KLHL29: variants seen among roughly 807,000 people sequenced by gnomAD.
KLHL29 encodes the protein kelch-like protein 29.
In KLHL29, 21 loss-of-function variants were observed where a neutral mutation model predicts 80.4. The observed-to-expected ratio is 0.26, with a 90% CI of 0.19 to 0.38. The LOEUF (loss-of-function observed/expected upper bound fraction) is 0.38, where lower values mean the gene tolerates loss of function less well. KLHL29 is among the 10% of genes least tolerant of loss of function. The pLI, the probability that KLHL29 is intolerant of heterozygous loss-of-function variation, is 1.00. For missense variants in KLHL29, 867 were observed against 1,223.9 expected (o/e 0.71, Z 4.35); for synonymous variants, 511 against 526.8 (o/e 0.97, Z 0.41).
intron 1 of KLHL29, among the ~76,000 whole-genome samples, chr2:23,390,231 A>T (rs2103381592): frequency 6.6e-6 from 1 of 152,342 alleles, no homozygotes; most frequent in African/African-American, 2.4e-5. Context: ...GAGCATTTCC[A>T]CCTTTAGGGT....
chr2:23,508,137 C>A (rs181820686), intron 2 of KLHL29, among the ~76,000 whole-genome samples: 7 of 152,352 alleles, frequency 4.6e-5, no homozygotes, highest in Admixed American at 4.6e-4. Context: ...CAGTGGCAGG[C>A]ACCCAAGAAA....
chr2:23,674,380 C>A (rs1670865772), intron 5 of KLHL29, among the ~76,000 whole-genome samples: 1 of 152,166 alleles, frequency 6.6e-6, no homozygotes. Context: ...AGGGCCCCAG[C>A]CTCATTCAGC....
chr2:23,637,978 G>A (rs919041292), intron 3 of KLHL29, among the ~76,000 whole-genome samples: 1 of 150,864 alleles, frequency 6.6e-6, no homozygotes, highest in Non-Finnish European at 1.5e-5. Context: ...TCTTCCCGGG[G>A]CCACCTCTAC....
chr2:23,434,251 G>A (rs191742942), intron 1 of KLHL29, among the ~76,000 whole-genome samples: 31 of 150,080 alleles, frequency 2.1e-4, no homozygotes, highest in Admixed American at 1.5e-3. Context: ...AACCCGGGAG[G>A]CGGAGCTTGC....
chr2:23,479,725 T>C (rs1182565639), intron 2 of KLHL29, among the ~76,000 whole-genome samples: 1 of 152,144 alleles, frequency 6.6e-6, no homozygotes, highest in Non-Finnish European at 1.5e-5. Flanking sequence ...CAAGGAAGCC[T>C]TGTACTCGTA....
intron 1 of KLHL29, among the ~76,000 whole-genome samples, chr2:23,454,047 G>A (rs1663967586): frequency 6.6e-6 from 1 of 152,176 alleles, no homozygotes; most frequent in Admixed American, 6.5e-5. Flanking sequence ...GAGGAGGCCA[G>A]GTCTGCTTTG....
chr2:23,432,045 A>G (rs889274066), intron 1 of KLHL29, among the ~76,000 whole-genome samples: 1 of 152,216 alleles, frequency 6.6e-6, no homozygotes, highest in Non-Finnish European at 1.5e-5. Flanking sequence ...ATGGACGTCA[A>G]TTCCAGATCA....
intron 3 of KLHL29, among the ~76,000 whole-genome samples, chr2:23,571,786 T>C (rs547477417): frequency 6.6e-6 from 1 of 152,166 alleles, no homozygotes; most frequent in African/African-American, 2.4e-5. Context: ...GTTCCAGATA[T>C]ACTGAACCAG....
chr2:23,694,124 T>C (rs1209230686), intron 8 of KLHL29, among the ~76,000 whole-genome samples: 1 of 152,254 alleles, frequency 6.6e-6, no homozygotes, highest in Non-Finnish European at 1.5e-5. Flanking sequence ...GCTGAAACCC[T>C]TTCCTGAGCT....
intron 5 of KLHL29, among the ~76,000 whole-genome samples, chr2:23,663,848 A>G (rs991470636): frequency 6.6e-6 from 1 of 152,212 alleles, no homozygotes; most frequent in Non-Finnish European, 1.5e-5. Flanking sequence ...CTGCTGATTC[A>G]GGTGGAAAAA....
chr2:23,458,459 A>G (rs2103426523), intron 1 of KLHL29, among the ~76,000 whole-genome samples: 1 of 152,390 alleles, frequency 6.6e-6, no homozygotes, highest in Middle Eastern at 3.4e-3. Context: ...ATTTGGCCAC[A>G]GGCTATCGCG....
At chr2:23,387,909 C>T (rs539007221) in intron 1 of KLHL29, among the ~76,000 whole-genome samples, 4 of 152,248 alleles carry the variant, frequency 2.6e-5, no homozygotes, top group African/African-American at 4.8e-5. Flanking sequence ...AACTTTTCTG[C>T]ACAAACATCT....
At chr2:23,413,537 C>G (rs1666914406) in intron 1 of KLHL29, among the ~76,000 whole-genome samples, 1 of 152,138 alleles carries the variant, frequency 6.6e-6, no homozygotes, top group African/African-American at 2.4e-5. Flanking sequence ...TTTATTAAGA[C>G]CCACCTCCTT....
intron 3 of KLHL29, among the ~76,000 whole-genome samples, chr2:23,579,121 G>A (rs1667918212): frequency 1.3e-5 from 2 of 152,224 alleles, no homozygotes; most frequent in African/African-American, 2.4e-5. Flanking sequence ...TAAGCCATTT[G>A]TGGAGGGCCA....
intron 2 of KLHL29, among the ~76,000 whole-genome samples, chr2:23,483,227 A>C (rs1418723023): frequency 6.6e-6 from 1 of 152,244 alleles, no homozygotes; most frequent in Non-Finnish European, 1.5e-5. Flanking sequence ...GCTTAGTTTG[A>C]TCAAAACCAT....
At chr2:23,642,265 G>A (rs1324208028) in intron 4 of KLHL29, 73 bp from the exon 5 acceptor site, 1 of 1,339,126 alleles carries the variant, frequency 7.5e-7, no homozygotes, top group Non-Finnish European at 9.7e-7. Flanking sequence ...ACCCAGTGCA[G>A]GGCCGGGGAT....
chr2:23,518,008 C>T (rs1203285266), intron 2 of KLHL29, among the ~76,000 whole-genome samples: 2 of 152,230 alleles, frequency 1.3e-5, no homozygotes, highest in Non-Finnish European at 2.9e-5. Context: ...GAGAAGTCCC[C>T]TTTCCCAGAG....
chr2:23,695,520 C>G lies in KLHL29; in HGVS notation c.1543-103C>G, dbSNP rs1671897167. ...ATCTACACTCCCAAGCCTAACACAGCCTGGAATTATCCATTCTTGTGCAGC... is the reference window on the plus strand; with the variant it reads ...ATCTACACTCCCAAGCCTAACACAGGCTGGAATTATCCATTCTTGTGCAGC... On this transcript the variant is annotated intron_variant, in intron 8 of 13. Transcript: ENST00000486442. This position sits in a 1 kb window ranked among gnomAD's most constrained non-coding sequence, Gnocchi z 7.6. 1.2e-6 allele frequency: 1 copy of G among 811,144 alleles called. No homozygotes were observed. The highest frequency in any genetic ancestry group is 2.7e-5 in the Admixed American group (1 of 36,654). 50.2% of individuals were successfully genotyped at this position (811,144 alleles called of 1,614,324 possible). A position where few individuals can be genotyped will look rare whatever the true frequency, so the allele number is the denominator to read the frequency against.
In KLHL29 at chr2:23,691,719, C is replaced by G. The variant is rs973718069; in HGVS notation, c.1125C>G (p.Leu375=). ...AGGGCGGCCGGGAGAAGCTGGAGCT[C>G]GTCCTGTCGAACCTGCAGGCAGACG... The part of the protein sequence containing the change: ...SGQGGREKLE[L]VLSNLQADVL... Residue 375 remains leucine, a synonymous_variant, in exon 7 of 14, where the codon CTC becomes CTG. Coordinates refer to ENST00000486442, the MANE Select transcript of KLHL29 (RefSeq NM_052920.2). 2.6e-5 allele frequency: 40 copies of G among 1,551,670 alleles called. No homozygotes were observed. Among genetic ancestry groups the G allele is most frequent in the African/African-American group, 1.2e-4 (9 of 73,066 alleles).
Sources: allele counts gnomAD v4.1 joint callset (sites outside exome capture counted in the v4.1 genomes callset), GRCh38; gene constraint gnomAD v4.1.1; non-coding constraint Gnocchi (gnomAD v3.1); transcripts MANE v1.5; gene names NCBI Gene and HGNC (gene_info 2026-07-23, HGNC 2026-07-21).